XYLT1: variants seen among roughly 807,000 people sequenced by gnomAD.
The protein encoded by XYLT1 is xylosyltransferase 1, also known as beta-D-xylosyltransferase 1.
XYLT1 carries 36 observed loss-of-function variants against 91.3 expected under a neutral mutation model. The ratio of observed to expected loss-of-function variants is 0.39; its 90% CI spans 0.30 to 0.52. The LOEUF (loss-of-function observed/expected upper bound fraction) is 0.52. Ranked by LOEUF, XYLT1 falls within the 20% of genes least tolerant of loss-of-function variation. XYLT1 has a pLI of 0.68. For missense variants in XYLT1, 1,242 were observed against 1,284.5 expected (o/e 0.97, Z 0.51); for synonymous variants, 588 against 532.0 (o/e 1.11, Z -1.45).
At chr16:17,157,034 G>A (rs112240145) in intron 6 of XYLT1, among the ~76,000 whole-genome samples, 4,664 of 151,304 alleles carry the variant, frequency 0.031, 269 homozygotes, top group African/African-American at 0.11. Flanking sequence ...TGCAACCTCC[G>A]ACTCCCAGGA....
intron 1 of XYLT1, among the ~76,000 whole-genome samples, chr16:17,374,884 T>C (rs1367169399): frequency 1.3e-5 from 2 of 152,156 alleles, no homozygotes; most frequent in Non-Finnish European, 2.9e-5. Context: ...TGTTTCCATT[T>C]ACTCACACCT....
At chr16:17,327,348 T>C (rs371345782) in intron 2 of XYLT1, among the ~76,000 whole-genome samples, 1 of 143,250 alleles carries the variant, frequency 7.0e-6, no homozygotes, top group Non-Finnish European at 1.5e-5. Context: ...AACTTCCTTT[T>C]CTTTTCTTTT....
chr16:17,287,077 G>A (rs2034151858), intron 2 of XYLT1, among the ~76,000 whole-genome samples: 1 of 152,096 alleles, frequency 6.6e-6, no homozygotes, highest in Non-Finnish European at 1.5e-5. Flanking sequence ...CAGAGTGTAG[G>A]TGAATTTTGG....
At chr16:17,368,051 G>A (rs1285123389) in intron 1 of XYLT1, among the ~76,000 whole-genome samples, 2 of 152,024 alleles carry the variant, frequency 1.3e-5, no homozygotes, top group East Asian at 1.9e-4. Context: ...ATCTATTGTC[G>A]AAGATACAGG....
At chr16:17,243,060 A>T (rs1202014653) in intron 3 of XYLT1, among the ~76,000 whole-genome samples, 7 of 152,168 alleles carry the variant, frequency 4.6e-5, no homozygotes, top group Admixed American at 3.3e-4. Context: ...TACTCTGAAT[A>T]ATGCTCCTAT....
rs560620420 is a variant in XYLT1, at chr16:17,294,986, A to G, written c.403-35488T>C. On this transcript the variant is annotated intron_variant, in intron 2 of 11. Transcript: ENST00000261381. ...TAGCACAGGGACACAGAAAGATGAC[A>G]GATATAACAAATAGTGCACAGAATA... Among the ~76,000 whole-genome samples the G allele has an allele frequency of 5.3e-4, 81 of 152,356 alleles. 1 individual carries two copies. Among genetic ancestry groups the G allele is most frequent in the African/African-American group, 1.9e-3 (78 of 41,580 alleles).
chr16:17,161,071 C>T (rs895653208), intron 5 of XYLT1, among the ~76,000 whole-genome samples: 2 of 152,138 alleles, frequency 1.3e-5, no homozygotes, highest in Non-Finnish European at 1.5e-5. Context: ...GGGGCCGGGC[C>T]GGGGCTCCTG....
intron 5 of XYLT1, among the ~76,000 whole-genome samples, chr16:17,166,272 G>A (rs1415804561): frequency 6.6e-6 from 1 of 152,234 alleles, no homozygotes; most frequent in East Asian, 1.9e-4. Context: ...ACCAGCATCT[G>A]GACTATGGGG....
At chr16:17,135,288 T>G (rs1322032942) in intron 8 of XYLT1, among the ~76,000 whole-genome samples, 1 of 152,098 alleles carries the variant, frequency 6.6e-6, no homozygotes, top group Non-Finnish European at 1.5e-5. Flanking sequence ...CTCACTGCAG[T>G]CTCCACCATG....
chr16:17,409,105 T>C (rs1168176856), intron 1 of XYLT1, among the ~76,000 whole-genome samples: 1 of 152,182 alleles, frequency 6.6e-6, no homozygotes, highest in Non-Finnish European at 1.5e-5. Flanking sequence ...AGCCACCACC[T>C]TCTAAAAGTG....
intron 3 of XYLT1, among the ~76,000 whole-genome samples, chr16:17,229,394 A>C (rs550435643): frequency 6.6e-6 from 1 of 152,334 alleles, no homozygotes; most frequent in East Asian, 1.9e-4. Flanking sequence ...CCTAGATCAC[A>C]AACAACATCT....
chr16:17,346,485 G>T (rs2035145693), intron 2 of XYLT1, among the ~76,000 whole-genome samples: 1 of 152,196 alleles, frequency 6.6e-6, no homozygotes, highest in Non-Finnish European at 1.5e-5. Context: ...ACATCCAGCA[G>T]CTCAGAGTGG....
chr16:17,227,213 GC>G (rs1044358167), intron 3 of XYLT1: 1 of 152,336 alleles, frequency 6.6e-6, no homozygotes, highest in African/African-American at 2.4e-5. Context: ...GGCAATGGGG[GC>G]TTGGAGAAAA....
intron 2 of XYLT1, among the ~76,000 whole-genome samples, chr16:17,303,328 G>A (rs937351864): frequency 7.2e-5 from 11 of 152,288 alleles, no homozygotes; most frequent in African/African-American, 2.4e-4. Context: ...TACAGCTACT[G>A]TACAGCCACG....
intron 6 of XYLT1, among the ~76,000 whole-genome samples, chr16:17,153,825 C>A (rs996420339): frequency 1.3e-5 from 2 of 152,286 alleles, no homozygotes; most frequent in Non-Finnish European, 1.5e-5. Context: ...CCTACCCTCA[C>A]CCATGCAAAA....
Position 17,431,304 on chromosome 16 carries a change from G to A in XYLT1, c.363+39130C>T, listed in dbSNP as rs1002116138. Among the ~76,000 whole-genome samples, 10 of 152,262 alleles carry A rather than the reference G, an allele frequency of 6.6e-5. No individual in the cohort carries two copies. In the East Asian group the frequency reaches 1.7e-3, roughly 26 times the overall value. ...AACTTCACGTGCACATCTATCGCCTGGGAATCTTGTGAAAATGCAAATTCT... is the reference window on the plus strand; with the variant it reads ...AACTTCACGTGCACATCTATCGCCTAGGAATCTTGTGAAAATGCAAATTCT... On this transcript the variant is annotated intron_variant, in intron 1 of 11. Coordinates refer to ENST00000261381, the MANE Select transcript of XYLT1 (RefSeq NM_022166.4).
At chr16:17,347,468 T>C (rs1225599430) in intron 2 of XYLT1, among the ~76,000 whole-genome samples, 1 of 152,254 alleles carries the variant, frequency 6.6e-6, no homozygotes, top group Non-Finnish European at 1.5e-5. Context: ...TGGTGCTTTA[T>C]TTAGCATGAG....
intron 3 of XYLT1, among the ~76,000 whole-genome samples, chr16:17,224,583 C>A (rs767301997): frequency 3.4e-4 from 51 of 152,218 alleles, no homozygotes; most frequent in Non-Finnish European, 2.4e-4. Context: ...CGTCCTGGCT[C>A]TGTCACTTAT....
chr16:17,185,836 A>G (rs2032171601), intron 5 of XYLT1, among the ~76,000 whole-genome samples: 1 of 152,144 alleles, frequency 6.6e-6, no homozygotes, highest in Non-Finnish European at 1.5e-5. Context: ...CCTTGTCTCT[A>G]CTAAAAATAC....
Sources: gnomAD v4.1 joint callset for allele counts (sites outside exome capture counted in the v4.1 genomes callset) on GRCh38, gnomAD v4.1.1 for gene constraint, MANE v1.5 for transcripts, NCBI Gene and HGNC (gene_info 2026-07-23, HGNC 2026-07-21) for gene names.